The following FUT9 variants were observed in gnomAD, a reference collection of about 807,000 sequenced individuals.
FUT9 encodes fucosyltransferase 9.
Under a neutral mutation model 29.7 loss-of-function variants are expected in FUT9, and 15 were observed. The observed-to-expected ratio is 0.51, with a 90% CI of 0.34 to 0.78. The LOEUF (loss-of-function observed/expected upper bound fraction) is 0.78, where lower values mean the gene tolerates loss of function less well. FUT9 is among the 30% of genes least tolerant of loss of function. The pLI is 0.01. For synonymous variants in FUT9, 169 were observed against 153.7 expected (o/e 1.10, Z -0.74); for missense variants, 319 against 425.4 (o/e 0.75, Z 2.20).
At chr6:96,201,075 T>A (rs1253917118) in intron 2 of FUT9, among the ~76,000 whole-genome samples, 1 of 151,980 alleles carries the variant, frequency 6.6e-6, no homozygotes, top group Non-Finnish European at 1.5e-5. Context: ...TTTTCCAAAA[T>A]AATTTTTAAA....
chr6:96,162,422 G>A (rs1000250335), intron 2 of FUT9, among the ~76,000 whole-genome samples: 1 of 152,036 alleles, frequency 6.6e-6, no homozygotes, highest in African/African-American at 2.4e-5. Context: ...CTAGGTATTG[G>A]AAAATATACT....
chr6:96,056,576 A>G (rs977732140), intron 1 of FUT9, among the ~76,000 whole-genome samples: 14 of 152,252 alleles, frequency 9.2e-5, no homozygotes, highest in African/African-American at 3.4e-4. Flanking sequence ...AAGCAAATAT[A>G]CCTAGTATCC....
intron 1 of FUT9, among the ~76,000 whole-genome samples, chr6:96,085,014 G>A (rs1211766480): frequency 6.6e-6 from 1 of 152,128 alleles, no homozygotes; most frequent in African/African-American, 2.4e-5. Flanking sequence ...CTAAATGTAT[G>A]TATTTCCCAG....
At chr6:96,102,194 A>G in intron 1 of FUT9, among the ~76,000 whole-genome samples, 1 of 152,054 alleles carries the variant, frequency 6.6e-6, no homozygotes. Context: ...CTTAAAAATT[A>G]TGTGCGCTAA....
chr6:96,044,383 T>G (rs1025424581), intron 1 of FUT9, among the ~76,000 whole-genome samples: 6 of 152,240 alleles, frequency 3.9e-5, no homozygotes, highest in African/African-American at 1.4e-4. Context: ...CATTTACAAT[T>G]GCTCAGATTT....
intron 1 of FUT9, among the ~76,000 whole-genome samples, chr6:96,110,295 G>C (rs912541471): frequency 6.6e-5 from 10 of 151,990 alleles, no homozygotes; most frequent in Non-Finnish European, 1.5e-4. Flanking sequence ...AAACGTTTTT[G>C]GCTGAGCCAT....
At chr6:96,200,546 A>G (rs1164872507) in intron 2 of FUT9, among the ~76,000 whole-genome samples, 2 of 152,146 alleles carry the variant, frequency 1.3e-5, no homozygotes, top group African/African-American at 4.8e-5. Context: ...AGGCCTGGCT[A>G]AGGGTGAGCA....
chr6:96,105,557 A>T (rs781075514), intron 1 of FUT9, among the ~76,000 whole-genome samples: 1 of 152,204 alleles, frequency 6.6e-6, no homozygotes, highest in African/African-American at 2.4e-5. Flanking sequence ...GCTAAATTTT[A>T]TCATTTGATT....
At chr6:96,135,151 A>G (rs1298270561) in intron 2 of FUT9, among the ~76,000 whole-genome samples, 3 of 151,954 alleles carry the variant, frequency 2.0e-5, no homozygotes, top group East Asian at 1.9e-4. Flanking sequence ...AAGATAAATT[A>G]TCATGTGTAT....
At chr6:96,128,170 CA>C (rs1440573232) in intron 2 of FUT9, among the ~76,000 whole-genome samples, 1 of 151,898 alleles carries the variant, frequency 6.6e-6, no homozygotes, top group African/African-American at 2.4e-5. Flanking sequence ...TTCAGTATAA[CA>C]AAAAAAGATA....
chr6:96,088,069 A>T (rs1246745575), intron 1 of FUT9, among the ~76,000 whole-genome samples: 1 of 152,102 alleles, frequency 6.6e-6, no homozygotes, highest in Admixed American at 6.6e-5. Context: ...ATATGCTGTC[A>T]TTCTTATCTT....
chr6:96,083,789 A>G (rs1011957489), intron 1 of FUT9, among the ~76,000 whole-genome samples: 1 of 152,046 alleles, frequency 6.6e-6, no homozygotes, highest in Non-Finnish European at 1.5e-5. Flanking sequence ...AACCCTTCAA[A>G]TATTTTAAGT....
intron 2 of FUT9, among the ~76,000 whole-genome samples, chr6:96,141,390 T>G (rs1313406467): frequency 6.6e-6 from 1 of 152,206 alleles, no homozygotes; most frequent in Non-Finnish European, 1.5e-5. Context: ...CAGTCCTCTC[T>G]GTATCTTTCT....
In FUT9 at chr6:96,059,798, A is replaced by G. The variant is rs761877473; in HGVS notation, c.-98+43586A>G. ...CTTTTTCTTTGCAAAGTGTGAATAT[A>G]AAGCAATGAGGCTGTTTTTCTTTTA... On this transcript the variant is annotated intron_variant, in intron 1 of 2. Transcript: ENST00000302103. Among the ~76,000 whole-genome samples the G allele has an allele frequency of 2.0e-5, 3 of 152,216 alleles. No homozygotes were observed. In the East Asian group the frequency reaches 5.8e-4, roughly 29 times the overall value.
At position 96,060,543 on chromosome 6, in the gene FUT9, CT is replaced by C. The variant is rs1002402128; in HGVS notation, c.-98+44342del. Among the ~76,000 whole-genome samples the C allele has an allele frequency of 4.3e-4, 64 of 149,306 alleles. 1 individual carries two copies. In the South Asian group the frequency reaches 4.8e-3, roughly 11 times the overall value. On this transcript the variant is annotated intron_variant, in intron 1 of 2. Transcript: ENST00000302103. ...CATAACTTTTTTCTTTTCTCTCTCT[CT>C]TTTTTTTTTTGACATGGAGTCTCTC... is the stretch of plus-strand genomic sequence containing the variant.
At chr6:96,198,741 A>C (rs1773675746) in intron 2 of FUT9, among the ~76,000 whole-genome samples, 1 of 152,168 alleles carries the variant, frequency 6.6e-6, no homozygotes, top group Non-Finnish European at 1.5e-5. Flanking sequence ...CCAGCAGTGT[A>C]AAAGTGTTCC....
intron 1 of FUT9, among the ~76,000 whole-genome samples, chr6:96,020,081 T>TAATC (rs577632646): frequency 2.0e-3 from 308 of 152,232 alleles, no homozygotes; most frequent in African/African-American, 7.0e-3. Context: ...TAGTTAAAGG[T>TAATC]AATCAGTCAA....
intron 1 of FUT9, among the ~76,000 whole-genome samples, chr6:96,101,479 G>T (rs149688724): frequency 6.6e-6 from 1 of 151,958 alleles, no homozygotes; most frequent in South Asian, 2.1e-4. Context: ...AACCTGGGAG[G>T]TGAAGGCTGC....
At chr6:96,109,732 A>G (rs1771761981) in intron 1 of FUT9, among the ~76,000 whole-genome samples, 1 of 152,208 alleles carries the variant, frequency 6.6e-6, no homozygotes, top group African/African-American at 2.4e-5. Flanking sequence ...TTGCCCCTCT[A>G]TTGTCAACAG....
Sources: allele counts gnomAD v4.1 joint callset (sites outside exome capture counted in the v4.1 genomes callset), GRCh38; gene constraint gnomAD v4.1.1; transcripts MANE v1.5; gene names NCBI Gene and HGNC (gene_info 2026-07-23, HGNC 2026-07-21).